CNBD1: variants seen among roughly 807,000 people sequenced by gnomAD.
The protein encoded by CNBD1 is cyclic nucleotide-binding domain-containing protein 1.
Under a neutral mutation model 54.4 loss-of-function variants are expected in CNBD1, and 71 were observed. The ratio of observed to expected loss-of-function variants is 1.30; its 90% CI spans 1.08 to 1.59. The LOEUF (loss-of-function observed/expected upper bound fraction) is 1.59, where lower values mean the gene tolerates loss of function less well. CNBD1 is among the 40% of genes most tolerant of loss of function. CNBD1 has a pLI of 0.00. For synonymous variants in CNBD1, 182 were observed against 170.7 expected (o/e 1.07, Z -0.51); for missense variants, 659 against 518.0 (o/e 1.27, Z -2.64).
intron 4 of CNBD1, among the ~76,000 whole-genome samples, chr8:87,123,622 A>C (rs2130718402): frequency 6.6e-6 from 1 of 151,840 alleles, no homozygotes; most frequent in East Asian, 1.9e-4. Flanking sequence ...AAAAAGATGA[A>C]AAAACCAAGT....
At chr8:87,342,164 T>G (rs1810078327) in intron 8 of CNBD1, among the ~76,000 whole-genome samples, 1 of 152,000 alleles carries the variant, frequency 6.6e-6, no homozygotes, top group Admixed American at 6.6e-5. Context: ...TCCCAGCTAC[T>G]TGAGAGGCTG....
At chr8:86,981,219 C>G (rs1457082649) in intron 4 of CNBD1, among the ~76,000 whole-genome samples, 1 of 152,172 alleles carries the variant, frequency 6.6e-6, no homozygotes, top group African/African-American at 2.4e-5. Flanking sequence ...TTCAAGAATG[C>G]CCAAGTATTA....
intron 3 of CNBD1, among the ~76,000 whole-genome samples, chr8:86,913,552 G>C (rs1198984162): frequency 6.6e-6 from 1 of 152,094 alleles, no homozygotes; most frequent in Non-Finnish European, 1.5e-5. Flanking sequence ...GGCGGGTTCT[G>C]TGATGCCCCC....
intron 2 of CNBD1, among the ~76,000 whole-genome samples, chr8:86,888,674 C>CA (rs924958964): frequency 1.3e-5 from 2 of 151,946 alleles, no homozygotes; most frequent in Non-Finnish European, 2.9e-5. Context: ...TTTTGTTATG[C>CA]AAAAAAGCTC....
chr8:86,985,100 C>T (rs1808577508), intron 4 of CNBD1, among the ~76,000 whole-genome samples: 1 of 152,100 alleles, frequency 6.6e-6, no homozygotes, highest in South Asian at 2.1e-4. Flanking sequence ...GTGAATAAGT[C>T]TCATAAGATC....
At chr8:87,335,709 A>C (rs998965561) in intron 8 of CNBD1, among the ~76,000 whole-genome samples, 1 of 152,094 alleles carries the variant, frequency 6.6e-6, no homozygotes, top group Non-Finnish European at 1.5e-5. Flanking sequence ...TTTACATTTA[A>C]GGTTAATATG....
At chr8:86,897,243 C>G (rs1024550524) in intron 2 of CNBD1, among the ~76,000 whole-genome samples, 3 of 152,066 alleles carry the variant, frequency 2.0e-5, no homozygotes, top group African/African-American at 7.2e-5. Flanking sequence ...TTGAAACTCA[C>G]CAAATCAGCC....
intron 5 of CNBD1, among the ~76,000 whole-genome samples, chr8:87,231,656 A>C (rs1807439900): frequency 6.6e-6 from 1 of 152,108 alleles, no homozygotes. Context: ...TTTTTTCTCC[A>C]CTATATTTGC....
At chr8:87,385,410 C>A (rs1411555183), downstream of CNBD1, among the ~76,000 whole-genome samples, 2 of 152,048 alleles carry the variant, frequency 1.3e-5, no homozygotes, top group Non-Finnish European at 2.9e-5. Context: ...AATCGGGTCA[C>A]TGCCACCCTA....
intron 4 of CNBD1, among the ~76,000 whole-genome samples, chr8:87,144,364 T>A (rs979760712): frequency 6.6e-6 from 1 of 152,184 alleles, no homozygotes; most frequent in Non-Finnish European, 1.5e-5. Flanking sequence ...GGTTGATATA[T>A]AGGGAAACAA....
chr8:87,382,101 A>G (rs1350272299), intron 10 of CNBD1, among the ~76,000 whole-genome samples: 2 of 151,984 alleles, frequency 1.3e-5, no homozygotes, highest in Non-Finnish European at 2.9e-5. Flanking sequence ...ATGTTATTAA[A>G]TAATAGAAAA....
intron 8 of CNBD1, among the ~76,000 whole-genome samples, chr8:87,345,752 C>G (rs193172227): frequency 6.6e-6 from 1 of 152,018 alleles, no homozygotes; most frequent in Admixed American, 6.6e-5. Context: ...ATTGGAATAT[C>G]AAAAACATAA....
chr8:86,959,246 G>A (rs1429683558), intron 4 of CNBD1, among the ~76,000 whole-genome samples: 1 of 152,092 alleles, frequency 6.6e-6, no homozygotes, highest in Non-Finnish European at 1.5e-5. Flanking sequence ...TTCCCTTTGT[G>A]GGTAACCCAA....
At chr8:87,097,332 T>G (rs1811341100) in intron 4 of CNBD1, among the ~76,000 whole-genome samples, 1 of 152,302 alleles carries the variant, frequency 6.6e-6, no homozygotes, top group South Asian at 2.1e-4. Flanking sequence ...AAGAAGAAAC[T>G]GAGGTTCGTA....
intron 8 of CNBD1, among the ~76,000 whole-genome samples, chr8:87,307,655 T>C (rs568863748): frequency 6.6e-6 from 1 of 151,698 alleles, no homozygotes; most frequent in Non-Finnish European, 1.5e-5. Context: ...GGAGAATCGC[T>C]TGAACCTGGG....
chr8:87,361,788 G>T (rs1400749733), intron 10 of CNBD1, among the ~76,000 whole-genome samples: 2 of 149,750 alleles, frequency 1.3e-5, no homozygotes, highest in Non-Finnish European at 3.0e-5. Flanking sequence ...GGTTTATAAA[G>T]AAATAGATGG....
In CNBD1 at chr8:87,354,018, A is replaced by T. The variant is rs1308740003; in HGVS notation, c.1303+232A>T. The T allele has an allele frequency of 2.4e-5, 8 of 328,378 alleles. No individual in the cohort carries two copies. The Admixed American group carries it at 3.9e-4, about 16-fold the overall frequency. 20.3% of individuals were successfully genotyped at this position (328,378 alleles called of 1,614,324 possible). A position where few individuals can be genotyped will look rare whatever the true frequency, so the allele number is the denominator to read the frequency against. On this transcript the variant is annotated intron_variant, in intron 10 of 10. Coordinates refer to ENST00000518476, the MANE Select transcript of CNBD1 (RefSeq NM_173538.3). Reference sequence around the variant, plus strand: ...GGAACTTCATTTTCATCATATAGAAAGAGGTGAGGACTTGATGCCGAGGTT... The same window carrying T: ...GGAACTTCATTTTCATCATATAGAATGAGGTGAGGACTTGATGCCGAGGTT...
At chr8:87,261,293 G>A (rs982041963) in intron 6 of CNBD1, among the ~76,000 whole-genome samples, 1 of 152,010 alleles carries the variant, frequency 6.6e-6, no homozygotes, top group African/African-American at 2.4e-5. Context: ...AGAGATCAAT[G>A]GACACAAATG....
chr8:87,307,968 T>A (rs1212615433), intron 8 of CNBD1, among the ~76,000 whole-genome samples: 1 of 152,120 alleles, frequency 6.6e-6, no homozygotes, highest in Non-Finnish European at 1.5e-5. Context: ...TCACTAGGAT[T>A]GTATTTTCCA....
Sources: allele counts gnomAD v4.1 joint callset (sites outside exome capture counted in the v4.1 genomes callset), GRCh38; gene constraint gnomAD v4.1.1; transcripts MANE v1.5; gene names NCBI Gene and HGNC (gene_info 2026-07-23, HGNC 2026-07-21).